The following CDK14 variants were observed in gnomAD, a reference collection of about 807,000 sequenced individuals.
CDK14 encodes cyclin-dependent kinase 14.
A neutral mutation model predicts 60.7 loss-of-function variants in CDK14; 34 were observed. That is an observed-to-expected ratio of 0.56 (90% CI 0.43 to 0.75). CDK14 has a LOEUF of 0.75. Ranked by LOEUF, CDK14 falls within the 30% of genes least tolerant of loss-of-function variation. The probability of loss-of-function intolerance (pLI) is 0.00; values close to 1 mark genes in which losing one functional copy is unlikely to be tolerated. For missense variants in CDK14, 482 were observed against 564.1 expected, an observed-to-expected ratio of 0.85 and a Z score of 1.47; for synonymous variants, 197 against 203.7, an observed-to-expected ratio of 0.97 and a Z score of 0.28.
intron 10 of CDK14, among the ~76,000 whole-genome samples, chr7:91,016,020 A>G (rs1398808647): frequency 6.6e-6 from 1 of 152,124 alleles, no homozygotes; most frequent in Non-Finnish European, 1.5e-5. Flanking sequence ...GGCTTTTCAG[A>G]TATGGATAAC....
intron 8 of CDK14, among the ~76,000 whole-genome samples, chr7:90,920,938 AT>A (rs55658591): frequency 2.7e-4 from 41 of 150,600 alleles, no homozygotes; most frequent in Middle Eastern, 3.4e-3. Flanking sequence ...TGCTGTAACT[AT>A]TTTTTTTTTC....
At chr7:91,016,508 A>C (rs1426329117) in intron 10 of CDK14, among the ~76,000 whole-genome samples, 1 of 152,198 alleles carries the variant, frequency 6.6e-6, no homozygotes, top group East Asian at 1.9e-4. Flanking sequence ...CAGCTAGACT[A>C]TCAACCTCTT....
At chr7:90,676,527 ATTTTTTTTTTTTTT>A (rs60056655) in intron 2 of CDK14, among the ~76,000 whole-genome samples, 88,126 of 142,636 alleles carry the variant, frequency 0.62, 26,429 homozygotes, top group East Asian at 0.78. Flanking sequence ...TAGATGTTTC[ATTTTTTTTTTTTTT>A]TTTTTTTTTG....
intron 4 of CDK14, 83 bp from the exon 5 acceptor site, chr7:90,790,490 A>T: frequency 1.2e-6 from 1 of 805,004 alleles, no homozygotes; most frequent in Non-Finnish European, 1.9e-6. Context: ...GAATTTATTT[A>T]GTTATATAAA....
chr7:90,676,975 T>C (rs1801213982), intron 2 of CDK14, among the ~76,000 whole-genome samples: 1 of 152,122 alleles, frequency 6.6e-6, no homozygotes, highest in Non-Finnish European at 1.5e-5. Flanking sequence ...TTGGAGTTTC[T>C]GATAGCTTGA....
intron 2 of CDK14, among the ~76,000 whole-genome samples, chr7:90,721,119 C>A (rs1040412363): frequency 5.9e-5 from 9 of 152,164 alleles, no homozygotes; most frequent in Non-Finnish European, 4.4e-5. Flanking sequence ...TGCCCTTTAG[C>A]CTGTTGCATT....
chr7:90,605,703 C>G (rs910578213), intron 2 of CDK14, among the ~76,000 whole-genome samples: 1 of 152,146 alleles, frequency 6.6e-6, no homozygotes, highest in Non-Finnish European at 1.5e-5. Context: ...AATCCTGTTA[C>G]CCCGATACAA....
intron 2 of CDK14, among the ~76,000 whole-genome samples, chr7:90,700,074 G>A (rs535248442): frequency 6.6e-6 from 1 of 152,164 alleles, no homozygotes; most frequent in East Asian, 1.9e-4. Context: ...TCTTAACATA[G>A]GTGGAAAAAA....
intron 6 of CDK14, among the ~76,000 whole-genome samples, chr7:90,894,986 ATTGT>A: frequency 6.6e-6 from 1 of 152,118 alleles, no homozygotes; most frequent in East Asian, 1.9e-4. Context: ...TCATAGAGAG[ATTGT>A]TTTAGTTCCC....
intron 6 of CDK14, among the ~76,000 whole-genome samples, chr7:90,865,381 C>A (rs1424105792): frequency 6.6e-6 from 1 of 152,084 alleles, no homozygotes; most frequent in Non-Finnish European, 1.5e-5. Context: ...GTTTTTATTT[C>A]CTTAACACAA....
intron 6 of CDK14, among the ~76,000 whole-genome samples, chr7:90,865,463 G>A (rs1210931081): frequency 6.6e-6 from 1 of 152,106 alleles, no homozygotes; most frequent in African/African-American, 2.4e-5. Flanking sequence ...ATACCTTAAT[G>A]GATGGTTTTA....
At chr7:90,664,499 T>C (rs1490603506) in intron 2 of CDK14, among the ~76,000 whole-genome samples, 3 of 152,160 alleles carry the variant, frequency 2.0e-5, no homozygotes, top group South Asian at 2.1e-4. Context: ...CGTATGTTTA[T>C]AGCGGCACTA....
intron 8 of CDK14, among the ~76,000 whole-genome samples, chr7:90,946,856 G>A (rs558299982): frequency 5.9e-5 from 9 of 152,156 alleles, no homozygotes; most frequent in African/African-American, 1.9e-4. Context: ...CCCTTTTCAC[G>A]GTCCCCGTCT....
intron 4 of CDK14, among the ~76,000 whole-genome samples, chr7:90,783,595 A>G (rs1172659345): frequency 2.0e-5 from 3 of 152,118 alleles, no homozygotes; most frequent in Non-Finnish European, 4.4e-5. Context: ...ACCCCTAAAG[A>G]TCGATTAAAA....
At chr7:90,865,819 T>C (rs77289181) in intron 6 of CDK14, among the ~76,000 whole-genome samples, 7,204 of 152,246 alleles carry the variant, frequency 0.047, 584 homozygotes, top group African/African-American at 0.16. Flanking sequence ...GTAAATACCA[T>C]CATTTTGCAA....
intron 2 of CDK14, among the ~76,000 whole-genome samples, chr7:90,650,938 G>A (rs1324593288): frequency 5.3e-5 from 8 of 152,186 alleles, no homozygotes; most frequent in African/African-American, 1.2e-4. Flanking sequence ...TTGGCAATGC[G>A]GGCTCTTTTT....
intron 6 of CDK14, among the ~76,000 whole-genome samples, chr7:90,895,362 TCTCCTCC>T (rs1792274001): frequency 2.4e-4 from 3 of 12,480 alleles, no homozygotes; most frequent in Non-Finnish European, 5.1e-4. Context: ...TCTCCTCACC[TCTCCTCC>T]CCTCCCCTCT....
intron 6 of CDK14, 48 bp from the exon 7 acceptor site, chr7:90,899,243 A>G (rs753962793): frequency 4.3e-5 from 60 of 1,384,342 alleles, no homozygotes; most frequent in Middle Eastern, 3.5e-4. Flanking sequence ...TTGATTTATT[A>G]TGTTATAGCC....
chr7:90,641,874 G>T (rs1392796676), intron 2 of CDK14, among the ~76,000 whole-genome samples: 2 of 152,170 alleles, frequency 1.3e-5, no homozygotes, highest in East Asian at 1.9e-4. Context: ...GGCTGGGGAG[G>T]CCTCACAATC....
Sources: gnomAD v4.1 joint callset for allele counts (sites outside exome capture counted in the v4.1 genomes callset) on GRCh38, gnomAD v4.1.1 for gene constraint, MANE v1.5 for transcripts, NCBI Gene and HGNC (gene_info 2026-07-23, HGNC 2026-07-21) for gene names.